The following BMP8A variants were observed in gnomAD, a reference collection of about 807,000 sequenced individuals.
BMP8A encodes the protein bone morphogenetic protein 8a, also known as BMP-8A.
BMP8A carries 14 observed loss-of-function variants against 36.8 expected under a neutral mutation model. The ratio of observed to expected loss-of-function variants is 0.38; its 90% CI spans 0.25 to 0.60. The LOEUF is 0.60. Among genes scored for constraint, BMP8A ranks in the 20% least tolerant of loss-of-function variants. The pLI, the probability that BMP8A is intolerant of heterozygous loss-of-function variation, is 0.63. For synonymous variants in BMP8A, 120 were observed against 237.7 expected (o/e 0.50, Z 4.55); for missense variants, 267 against 551.1 (o/e 0.48, Z 5.16).
chr1:39,496,991 A>G (rs988871519), intron 1 of BMP8A, among the ~76,000 whole-genome samples: 1 of 152,140 alleles, frequency 6.6e-6, no homozygotes, highest in Non-Finnish European at 1.5e-5. Flanking sequence ...TCTGATTTTC[A>G]TTGCCATGGC....
intron 1 of BMP8A, among the ~76,000 whole-genome samples, chr1:39,503,504 CTTTCT>C (rs1215467095): frequency 7.7e-6 from 1 of 130,108 alleles, no homozygotes; most frequent in African/African-American, 2.9e-5. Context: ...TGCTTACAGT[CTTTCT>C]TTTTTTTTTT....
intron 1 of BMP8A, among the ~76,000 whole-genome samples, chr1:39,496,420 C>A (rs557864067): frequency 6.7e-6 from 1 of 149,908 alleles, no homozygotes; most frequent in African/African-American, 2.5e-5. Context: ...TGACCTGAGA[C>A]CCACACACAA....
chr1:39,511,131 C>T (rs756108202), intron 1 of BMP8A, 43 bp from the exon 2 acceptor site: 45 of 1,401,654 alleles, frequency 3.2e-5, no homozygotes, highest in Middle Eastern at 2.4e-4. Context: ...CTCCAGAGCC[C>T]GAGCCATTCT....
intron 1 of BMP8A, among the ~76,000 whole-genome samples, chr1:39,493,631 G>T (rs1432575147): frequency 2.0e-5 from 3 of 152,254 alleles, no homozygotes; most frequent in African/African-American, 7.2e-5. Flanking sequence ...AGAGCTGGTG[G>T]TGGAGGCGAG....
intron 1 of BMP8A, among the ~76,000 whole-genome samples, chr1:39,495,906 G>T (rs1645201109): frequency 6.6e-6 from 1 of 152,148 alleles, no homozygotes; most frequent in African/African-American, 2.4e-5. Context: ...GGATCAGAAT[G>T]CAGGCAGCTT....
At chr1:39,509,832 C>T (rs1192907027) in intron 1 of BMP8A, among the ~76,000 whole-genome samples, 2 of 152,180 alleles carry the variant, frequency 1.3e-5, no homozygotes, top group Non-Finnish European at 2.9e-5. Context: ...AGGCACTGGG[C>T]GGCTCCCACC....
intron 1 of BMP8A, among the ~76,000 whole-genome samples, chr1:39,505,722 C>T (rs1042072523): frequency 3.9e-5 from 6 of 152,136 alleles, no homozygotes; most frequent in African/African-American, 1.4e-4. Flanking sequence ...TGGCTCATGC[C>T]TGTAATCTCA....
intron 1 of BMP8A, among the ~76,000 whole-genome samples, chr1:39,501,089 T>A (rs1382550073): frequency 5.3e-5 from 8 of 152,206 alleles, no homozygotes; most frequent in Non-Finnish European, 1.0e-4. Flanking sequence ...AAAGAGAGCA[T>A]GTGGTGAGAG....
intron 1 of BMP8A, among the ~76,000 whole-genome samples, chr1:39,500,021 G>A (rs551892121): frequency 6.6e-6 from 1 of 152,310 alleles, no homozygotes; most frequent in South Asian, 2.1e-4. Context: ...AGTTCTTGGA[G>A]GCTGAGAAAC....
In BMP8A at chr1:39,527,022, T is replaced by G. The variant is rs1480328103; in HGVS notation, c.*1224T>G. Among the ~76,000 whole-genome samples, 1 of 152,064 alleles carries G rather than the reference T, an allele frequency of 6.6e-6. No individual in the cohort carries two copies. Among genetic ancestry groups the G allele is most frequent in the African/African-American group, 2.4e-5 (1 of 41,402 alleles). Reference sequence around the variant, plus strand: ...CCCCTCCTGCCCCACTGCAGAGCAATCCATTCCATCCAAAGCAGGGTGACT... The same window carrying G: ...CCCCTCCTGCCCCACTGCAGAGCAAGCCATTCCATCCAAAGCAGGGTGACT... On this transcript the variant is annotated 3_prime_UTR_variant, in exon 7 of 7. Transcript: ENST00000331593.
At chr1:39,501,390 G>T (rs2087564) in intron 1 of BMP8A, among the ~76,000 whole-genome samples, 1 of 152,236 alleles carries the variant, frequency 6.6e-6, no homozygotes, top group African/African-American at 2.4e-5. Context: ...TTTTTGAGAC[G>T]GAGTCTCACC....
In BMP8A at chr1:39,524,320, C is replaced by T. The variant is rs1645460712; in HGVS notation, c.1059+1203C>T. 6.6e-6 allele frequency among the ~76,000 whole-genome samples: 1 copy of T among 152,114 alleles called. No individual in the cohort carries two copies. Among genetic ancestry groups the T allele is most frequent in the Non-Finnish European group, 1.5e-5 (1 of 68,014 alleles). ...CTCAACTAGAGTGAGTGCTCACAGC[C>T]TACAGGGCAGCAAACAGGCACTGTG... On this transcript the variant is annotated intron_variant, in intron 6 of 6. Coordinates refer to ENST00000331593, the MANE Select transcript of BMP8A (RefSeq NM_181809.4). This position sits in a 1 kb window ranked among gnomAD's most constrained non-coding sequence, Gnocchi z 4.0.
rs1301424937 is a variant in BMP8A at position 39,491,819 on chromosome 1, G to C, written c.-173G>C. 4.8e-6 allele frequency: 2 copies of C among 415,500 alleles called. No individual in the cohort carries two copies. The highest frequency in any genetic ancestry group is 2.2e-5 in the African/African-American group (1 of 46,194). 25.7% of individuals were successfully genotyped at this position (415,500 alleles called of 1,614,324 possible). ...GTCAGCGTCCGCTTGTCCCGGAGCC[G>C]GGGCAGGTGCGCGCGGGGGGCGCTC... On this transcript the variant is annotated 5_prime_UTR_variant, in exon 1 of 7. Transcript: ENST00000331593.
rs1046811630 is a variant in BMP8A, at chr1:39,526,133, C to T, written c.*335C>T. Among the ~76,000 whole-genome samples, 7 of 152,118 alleles carry T rather than the reference C, an allele frequency of 4.6e-5. No individual in the cohort carries two copies. The highest frequency in any genetic ancestry group is 9.7e-5 in the African/African-American group (4 of 41,422). Reference sequence around the variant, plus strand: ...CCGGATGGTCTGAGGTTGGCTGACCCGAGCTTTTCTCCATTCACCAGAGGG... The same window carrying T: ...CCGGATGGTCTGAGGTTGGCTGACCTGAGCTTTTCTCCATTCACCAGAGGG... On this transcript the variant is annotated 3_prime_UTR_variant, in exon 7 of 7. Coordinates refer to ENST00000331593, the MANE Select transcript of BMP8A (RefSeq NM_181809.4).
intron 4 of BMP8A, among the ~76,000 whole-genome samples, chr1:39,522,102 A>G (rs1223317199): frequency 1.5e-5 from 2 of 133,884 alleles, no homozygotes; most frequent in East Asian, 4.5e-4. Flanking sequence ...AGAGAGGAGG[A>G]GGCACAGGAT....
intron 1 of BMP8A, among the ~76,000 whole-genome samples, chr1:39,493,783 T>C (rs1395470681): frequency 6.6e-6 from 1 of 152,164 alleles, no homozygotes; most frequent in Non-Finnish European, 1.5e-5. Context: ...AAGCTGGGGC[T>C]GGGGCTCTGT....
chr1:39,494,575 G>A (rs1167903106), intron 1 of BMP8A, among the ~76,000 whole-genome samples: 2 of 151,964 alleles, frequency 1.3e-5, no homozygotes, highest in East Asian at 3.9e-4. Flanking sequence ...GACTGGTCTT[G>A]AACTCCTGAA....
At chr1:39,511,043 C>A in intron 1 of BMP8A, 131 bp from the exon 2 acceptor site, 1 of 1,381,726 alleles carries the variant, frequency 7.2e-7, no homozygotes, top group Non-Finnish European at 9.9e-7. Flanking sequence ...TGAAGCCGGC[C>A]CCACCCAGGC....
At chr1:39,502,032 G>T (rs936408043) in intron 1 of BMP8A, among the ~76,000 whole-genome samples, 7 of 152,036 alleles carry the variant, frequency 4.6e-5, no homozygotes, top group Admixed American at 4.6e-4. Context: ...GAGGTCGGGA[G>T]TTCAAGACCA....
Sources: gnomAD v4.1 joint callset for allele counts (sites outside exome capture counted in the v4.1 genomes callset) on GRCh38, gnomAD v4.1.1 for gene constraint, Gnocchi (gnomAD v3.1) non-coding constraint, MANE v1.5 for transcripts, NCBI Gene and HGNC (gene_info 2026-07-23, HGNC 2026-07-21) for gene names.